The following PTPRH variants were observed in gnomAD, a reference collection of about 807,000 sequenced individuals.
PTPRH encodes the protein receptor-type tyrosine-protein phosphatase H.
A neutral mutation model predicts 130.2 loss-of-function variants in PTPRH; 113 were observed. That is an observed-to-expected ratio of 0.87 (90% confidence interval 0.75 to 1.01). PTPRH has a LOEUF of 1.01. PTPRH is among the 50% of genes least tolerant of loss of function. The pLI is 0.00. For missense variants in PTPRH, 1,430 were observed against 1,425.0 expected (o/e 1.00, Z -0.06); for synonymous variants, 556 against 577.9 (o/e 0.96, Z 0.54).
chr19:55,181,939 C>A (rs1568885098), intron 19 of PTPRH, 36 bp from the exon 20 acceptor site: 3 of 1,613,994 alleles, frequency 1.9e-6, no homozygotes, highest in Admixed American at 1.7e-5. Flanking sequence ...GGCGTCCCCC[C>A]AGGTCTGAGC....
intron 18 of PTPRH, among the ~76,000 whole-genome samples, chr19:55,184,516 C>T (rs1368273095): frequency 1.3e-5 from 2 of 151,940 alleles, no homozygotes; most frequent in South Asian, 2.1e-4. Flanking sequence ...GGGTCAGGTG[C>T]GGTGGCTCAC....
In PTPRH at chr19:55,205,433, G is replaced by A. The variant is rs368442352; in HGVS notation, c.512C>T (p.Thr171Ile). 3 of 1,614,078 alleles carry A rather than the reference G, an allele frequency of 1.9e-6. No homozygotes were observed. Among genetic ancestry groups the A allele is most frequent in the Non-Finnish European group, 2.5e-6 (3 of 1,180,052 alleles). ...TTCAAGTCCATCCACGGTGATGTTA[G>A]TGTGTGCTGTGCTTCGAGTCCCTGC... is the stretch of plus-strand genomic sequence containing the variant. ...GRAGTRSTAH[T>I]NITVDGLEPG... is the part of the protein sequence containing the mutation. The change falls in exon 4 of 20, where the codon ACT becomes ATT. Residue 171 changes from threonine (T) to isoleucine (I), a missense_variant. Thr to Ile is a moderately conservative substitution (Grantham distance 89). Coordinates refer to ENST00000376350, the MANE Select transcript of PTPRH (RefSeq NM_002842.5).
At position 55,202,242 on chromosome 19, in the gene PTPRH, G is replaced by T; in HGVS notation, c.967C>A (p.Pro323Thr). 6.2e-7 allele frequency: 1 copy of T among 1,614,128 alleles called. No homozygotes were observed. The highest frequency in any genetic ancestry group is 1.3e-5 in the African/African-American group (1 of 75,028). ...IALTWEVPDG[P>T]DPQNSTYGVE... ...CCGTAGGTGGAGTTCTGTGGGTCTG[G>T]GCCATCGGGGACCTCCCAGGTCAGG... Residue 323 changes from proline (P) to threonine (T), a missense_variant, in exon 6 of 20, where the codon CCA becomes ACA. Physicochemically the swap from Pro to Thr is conservative, Grantham distance 38 (BLOSUM62 -1). Coordinates refer to ENST00000376350, the MANE Select transcript of PTPRH (RefSeq NM_002842.5).
intron 3 of PTPRH, among the ~76,000 whole-genome samples, 196 bp downstream of exon 3, chr19:55,206,493 A>ATTT (rs58733303): frequency 7.3e-5 from 11 of 151,000 alleles, no homozygotes; most frequent in African/African-American, 2.7e-4. Flanking sequence ...CTACTTTTTA[A>ATTT]TTTTTTTGTA....
At chr19:55,186,169 G>C (rs2147383167) in intron 16 of PTPRH, 56 bp downstream of exon 16, 6 of 1,579,146 alleles carry the variant, frequency 3.8e-6, no homozygotes, top group Non-Finnish European at 5.2e-6. Context: ...TACATTGGAT[G>C]AGTGTTCGGG....
At chr19:55,187,645 T>C (rs2086400420) in intron 13 of PTPRH, 42 bp from the exon 14 acceptor site, 1 of 1,483,574 alleles carries the variant, frequency 6.7e-7, no homozygotes, top group Non-Finnish European at 9.4e-7. Flanking sequence ...TTGGATTTTC[T>C]CTACTTTCCC....
rs761462977 is a variant in PTPRH at position 55,185,964 on chromosome 19, C to A, written c.2799G>T (p.Trp933Cys). 3.7e-6 allele frequency: 6 copies of A among 1,613,960 alleles called. No homozygotes were observed. The highest frequency in any genetic ancestry group is 5.1e-6 in the Non-Finnish European group (6 of 1,179,904). ...EAGRVKCEHY[W>C]PLDSQPCTHG... ...GGGTGCAGGGCTGCGAGTCCAGAGGCCAGTAATGCTCACACTTCACCTGGG... is the reference window on the plus strand; with the variant it reads ...GGGTGCAGGGCTGCGAGTCCAGAGGACAGTAATGCTCACACTTCACCTGGG... Residue 933 changes from tryptophan (W) to cysteine (C), a missense_variant, in exon 17 of 20, where the codon TGG (tryptophan) becomes TGT (cysteine). Trp to Cys is a radical substitution (Grantham distance 215). Coordinates refer to ENST00000376350, the MANE Select transcript of PTPRH (RefSeq NM_002842.5).
Position 55,197,190 on chromosome 19 carries a change from C to A in PTPRH, c.1917G>T (p.Thr639=). 6.2e-7 allele frequency: 1 copy of A among 1,614,246 alleles called. No homozygotes were observed. The highest frequency in any genetic ancestry group is 8.5e-7 in the Non-Finnish European group (1 of 1,180,044). ...WYKVEALEPG[T]LYNFTVWAER... ...CTGCCCACACGGTGAAATTGTACAA[C>A]GTCCCGGGTTCCAGGGCCTCCACTT... Residue 639 remains threonine, a synonymous_variant, in exon 9 of 20, where the codon ACG becomes ACT. Coordinates refer to ENST00000376350, the MANE Select transcript of PTPRH (RefSeq NM_002842.5).
intron 12 of PTPRH, chr19:55,189,836 A>G (rs533503865): frequency 3.7e-4 from 159 of 430,002 alleles, no homozygotes; most frequent in African/African-American, 3.1e-3. Flanking sequence ...TCTACAAAAA[A>G]TTAAAAAATT....
chr19:55,201,027 A>C (rs1364987170), intron 6 of PTPRH, among the ~76,000 whole-genome samples: 1 of 152,100 alleles, frequency 6.6e-6, no homozygotes, highest in African/African-American at 2.4e-5. Flanking sequence ...TTGCAAGATT[A>C]GGTCATAAAG....
At position 55,185,903 on chromosome 19, in the gene PTPRH, C is replaced by A; in HGVS notation, c.2860G>T (p.Val954Leu). The change falls in exon 17 of 20, where the codon GTG (valine) becomes TTG (leucine). Residue 954 changes from valine (V) to leucine (L), a missense_variant. By Grantham distance (32) the Val-to-Leu change is conservative. Coordinates refer to ENST00000376350, the MANE Select transcript of PTPRH (RefSeq NM_002842.5). Reference protein sequence around the residue: ...HLRVTLVGEEVMENWTVRELL... With the variant: ...HLRVTLVGEELMENWTVRELL... ...TCCCGCACCGTCCAGTTCTCCATCA[C>A]TTCCTCACCTACCAGGGTTACCCGC... The A allele has an allele frequency of 6.2e-7, 1 of 1,614,206 alleles. No homozygotes were observed. Among genetic ancestry groups the A allele is most frequent in the Non-Finnish European group, 8.5e-7 (1 of 1,180,038 alleles).
At chr19:55,183,498 C>A (rs770180254) in intron 18 of PTPRH, among the ~76,000 whole-genome samples, 1 of 152,000 alleles carries the variant, frequency 6.6e-6, no homozygotes, top group African/African-American at 2.4e-5. Flanking sequence ...CTGAAGCAGG[C>A]GGATCACCGG....
chr19:55,182,100 C>T lies in PTPRH; in HGVS notation c.3114G>A (p.Arg1038=). ...GTLIALDVLL[R]QLQSEGLLGP... ...CAAGGAGACCCTCGGACTGCAGCTG[C>T]CGGAGCAGGACGTCCAGGGCAATGA... Residue 1038 remains arginine, a synonymous_variant, in exon 19 of 20, where the codon CGG becomes CGA. Coordinates refer to ENST00000376350, the MANE Select transcript of PTPRH (RefSeq NM_002842.5). 1 of 1,614,116 alleles carries T rather than the reference C, an allele frequency of 6.2e-7. No homozygotes were observed. Among genetic ancestry groups the T allele is most frequent in the Non-Finnish European group, 8.5e-7 (1 of 1,180,022 alleles).
chr19:55,192,318 C>T (rs544528626), intron 10 of PTPRH, among the ~76,000 whole-genome samples: 14 of 151,792 alleles, frequency 9.2e-5, no homozygotes, highest in African/African-American at 2.9e-4. Context: ...AGGAGAATGG[C>T]GTGAACCCGG....
chr19:55,206,455 A>G (rs113545680), intron 3 of PTPRH, among the ~76,000 whole-genome samples: 9,144 of 151,026 alleles, frequency 0.061, 309 homozygotes, highest in African/African-American at 0.091. Context: ...TCCCGAGTAG[A>G]TGGGACCACG....
At chr19:55,204,279 C>T (rs1275958972) in intron 4 of PTPRH, among the ~76,000 whole-genome samples, 1 of 152,036 alleles carries the variant, frequency 6.6e-6, no homozygotes, top group Non-Finnish European at 1.5e-5. Flanking sequence ...ACCACCACAC[C>T]CGGCTTATTT....
chr19:55,185,369 A>C, intron 18 of PTPRH, 133 bp downstream of exon 18: 1 of 962,212 alleles, frequency 1.0e-6, no homozygotes, highest in South Asian at 1.8e-5. Context: ...GCCCCCCTTT[A>C]TCTTCCACAT....
At position 55,203,952 on chromosome 19, in the gene PTPRH, G is replaced by T; in HGVS notation, c.716C>A (p.Ser239Ter). Residue 239 changes from serine (S) to a stop codon, truncating the protein, a stop_gained, in exon 5 of 20, where the codon TCG (serine) becomes TAG (stop). Coordinates refer to ENST00000376350, the MANE Select transcript of PTPRH (RefSeq NM_002842.5). LOFTEE classifies it high-confidence loss of function. ...EVPDGTDPQN[S>*]TYCVQCTGDG... ...TCCAGTGCACTGAACGCAGTAGGTCGAGTTCTGTGGGTCTGTGCCATCGGG... is the reference window on the plus strand; with the variant it reads ...TCCAGTGCACTGAACGCAGTAGGTCTAGTTCTGTGGGTCTGTGCCATCGGG... The T allele has an allele frequency of 6.2e-7, 1 of 1,614,158 alleles. No individual in the cohort carries two copies. The highest frequency in any genetic ancestry group is 8.5e-7 in the Non-Finnish European group (1 of 1,179,998).
intron 12 of PTPRH, among the ~76,000 whole-genome samples, chr19:55,190,343 C>T (rs889929046): frequency 3.0e-4 from 44 of 147,414 alleles, no homozygotes; most frequent in Non-Finnish European, 5.5e-4. Flanking sequence ...GCACTTCAGC[C>T]TGGGTGACAG....
Sources: allele counts gnomAD v4.1 joint callset (sites outside exome capture counted in the v4.1 genomes callset), GRCh38; gene constraint gnomAD v4.1.1; transcripts MANE v1.5; gene names NCBI Gene and HGNC (gene_info 2026-07-23, HGNC 2026-07-21).